Variants in SMARCC1 observed in about 807,000 individuals in gnomAD.
SMARCC1 encodes SWI/SNF complex subunit SMARCC1.
In SMARCC1, 43 loss-of-function variants were observed where a neutral mutation model predicts 147.4. That is an observed-to-expected ratio of 0.29 (90% confidence interval 0.23 to 0.38). The LOEUF is 0.38. SMARCC1 is among the 10% of genes least tolerant of loss of function. The pLI, the probability that SMARCC1 is intolerant of heterozygous loss-of-function variation, is 1.00. For synonymous variants in SMARCC1, 495 were observed against 484.4 expected, an observed-to-expected ratio of 1.02 and a Z score of -0.29; for missense variants, 1,119 against 1,381.1, an observed-to-expected ratio of 0.81 and a Z score of 3.01.
At chr3:47,645,355 A>G (rs2033105845) in intron 21 of SMARCC1, among the ~76,000 whole-genome samples, 1 of 152,064 alleles carries the variant, frequency 6.6e-6, no homozygotes, top group South Asian at 2.1e-4. Context: ...ATGAGCAGAC[A>G]TTAGATGAAG....
chr3:47,665,338 T>C (rs535367302), intron 19 of SMARCC1, among the ~76,000 whole-genome samples: 1 of 152,098 alleles, frequency 6.6e-6, no homozygotes, highest in Non-Finnish European at 1.5e-5. Flanking sequence ...ATCCAGATTG[T>C]AAGAAAAAAG....
intron 4 of SMARCC1, among the ~76,000 whole-genome samples, chr3:47,737,660 T>C (rs1167613110): frequency 3.9e-5 from 6 of 152,080 alleles, no homozygotes; most frequent in Non-Finnish European, 7.4e-5. Context: ...ATCTTTTTTT[T>C]GTTTTTGTTG....
chr3:47,645,155 T>C (rs1372091996), intron 21 of SMARCC1, among the ~76,000 whole-genome samples: 1 of 152,162 alleles, frequency 6.6e-6, no homozygotes, highest in Admixed American at 6.5e-5. Flanking sequence ...CGCATGCTTA[T>C]GGTCCCAGCT....
intron 1 of SMARCC1, among the ~76,000 whole-genome samples, chr3:47,773,154 C>T (rs2034935414): frequency 6.6e-6 from 1 of 151,620 alleles, no homozygotes; most frequent in Non-Finnish European, 1.5e-5. Context: ...TGAGACGGAG[C>T]TTCGGTCTTG....
At chr3:47,676,477 T>A in intron 17 of SMARCC1, 152 bp downstream of exon 17, 1 of 612,558 alleles carries the variant, frequency 1.6e-6, no homozygotes, top group South Asian at 2.5e-5. Context: ...ACTGTAATAT[T>A]TACAGTACAC....
At chr3:47,665,482 A>G (rs1303810430) in intron 19 of SMARCC1, among the ~76,000 whole-genome samples, 1 of 152,174 alleles carries the variant, frequency 6.6e-6, no homozygotes, top group African/African-American at 2.4e-5. Flanking sequence ...TAATTAAAAA[A>G]TATTTTTTCA....
Position 47,669,274 on chromosome 3 carries a change from A to C in SMARCC1, c.1899+1384T>G, listed in dbSNP as rs1023576451. On this transcript the variant is annotated intron_variant, in intron 19 of 27. Coordinates refer to ENST00000254480, the MANE Select transcript of SMARCC1 (RefSeq NM_003074.4). ...GCTCAGTCATTCTTACCTCACTTTT[A>C]CTACCTACTAATCTTAAATGTGAAA... 2.6e-5 allele frequency among the ~76,000 whole-genome samples: 4 copies of C among 152,192 alleles called. No homozygotes were observed. In the East Asian group the frequency reaches 7.7e-4, roughly 29 times the overall value.
intron 25 of SMARCC1, among the ~76,000 whole-genome samples, chr3:47,617,323 G>A (rs903505657): frequency 6.6e-6 from 1 of 152,168 alleles, no homozygotes; most frequent in African/African-American, 2.4e-5. Context: ...TTGAATAAGG[G>A]GATTCAAAGC....
intron 3 of SMARCC1, among the ~76,000 whole-genome samples, chr3:47,740,850 CAAAAAA>C (rs60339024): frequency 1.5e-4 from 12 of 77,864 alleles, no homozygotes; most frequent in African/African-American, 4.8e-4. Context: ...GACTCTGACT[CAAAAAA>C]AAAAAAAAAA....
intron 7 of SMARCC1, among the ~76,000 whole-genome samples, chr3:47,718,990 G>C (rs2034197108): frequency 6.6e-6 from 1 of 152,092 alleles, no homozygotes; most frequent in Non-Finnish European, 1.5e-5. Flanking sequence ...TCGGCTCACG[G>C]CAAGCTCCGC....
rs1161538768 is a variant in SMARCC1, at chr3:47,729,061, G to A, written c.610C>T (p.His204Tyr). Residue 204 changes from histidine (H) to tyrosine (Y), a missense_variant, in exon 6 of 28, where the codon CAC (histidine) becomes TAC (tyrosine). Physicochemically the swap from His to Tyr is moderately conservative, Grantham distance 83. Coordinates refer to ENST00000254480, the MANE Select transcript of SMARCC1 (RefSeq NM_003074.4). ...TFTDEKSKAS[H>Y]HIYPYSSSQD... ...GAGGAAGAATATGGGTAAATGTGGT[G>A]GGAAGCTTTTGACTTCTCATCCGTA... 1.9e-6 allele frequency: 3 copies of A among 1,612,246 alleles called. No individual in the cohort carries two copies. The Admixed American group carries it at 5.0e-5, about 27-fold the overall frequency.
intron 21 of SMARCC1, among the ~76,000 whole-genome samples, chr3:47,653,204 G>A (rs1169237275): frequency 2.0e-5 from 3 of 152,088 alleles, no homozygotes; most frequent in South Asian, 2.1e-4. Context: ...TGATCCACCC[G>A]CCTCGGCCTC....
At chr3:47,606,871 T>A (rs1008460489) in intron 26 of SMARCC1, among the ~76,000 whole-genome samples, 1 of 141,626 alleles carries the variant, frequency 7.1e-6, no homozygotes, top group Non-Finnish European at 1.5e-5. Context: ...CCACCACACC[T>A]GGCTACTTTT....
chr3:47,652,807 T>C (rs2106723946), intron 21 of SMARCC1, among the ~76,000 whole-genome samples: 1 of 152,266 alleles, frequency 6.6e-6, no homozygotes, highest in Middle Eastern at 3.4e-3. Flanking sequence ...TTAATAGTTC[T>C]TGGTGAGTGA....
At chr3:47,640,983 G>A (rs2033040579) in intron 21 of SMARCC1, among the ~76,000 whole-genome samples, 2 of 152,240 alleles carry the variant, frequency 1.3e-5, no homozygotes, top group South Asian at 4.1e-4. Flanking sequence ...ACTCAGTACT[G>A]TCCATTATAA....
chr3:47,753,784 A>G (rs1159505256), intron 2 of SMARCC1, among the ~76,000 whole-genome samples: 1 of 151,066 alleles, frequency 6.6e-6, no homozygotes, highest in Non-Finnish European at 1.5e-5. Flanking sequence ...CTATGAAAGG[A>G]GTATTCACAT....
chr3:47,706,278 G>C, intron 10 of SMARCC1, 131 bp downstream of exon 10: 1 of 773,402 alleles, frequency 1.3e-6, no homozygotes, highest in Admixed American at 4.3e-5. Context: ...CACCATGTTG[G>C]CCAGGCTGGA....
intron 6 of SMARCC1, 110 bp downstream of exon 6, chr3:47,728,915 C>T (rs1445133381): frequency 4.5e-6 from 3 of 660,868 alleles, no homozygotes; most frequent in African/African-American, 3.7e-5. Flanking sequence ...CAAAACAAAA[C>T]AAAAACAAAT....
intron 14 of SMARCC1, among the ~76,000 whole-genome samples, chr3:47,682,294 C>CA (rs71070209): frequency 0.38 from 35,310 of 91,904 alleles, 5,077 homozygotes; most frequent in South Asian, 0.54. Context: ...GACTCCGTTT[C>CA]AAAAAAAAAA....
Sources: allele counts gnomAD v4.1 joint callset (sites outside exome capture counted in the v4.1 genomes callset), GRCh38; gene constraint gnomAD v4.1.1; transcripts MANE v1.5; gene names NCBI Gene and HGNC (gene_info 2026-07-23, HGNC 2026-07-21).